The following TAF3 variants were observed in gnomAD, a reference collection of about 807,000 sequenced individuals.
The protein encoded by TAF3 is TATA-box binding protein associated factor 3, also known as transcription initiation factor TFIID subunit 3.
A neutral mutation model predicts 80.6 loss-of-function variants in TAF3; 7 were observed. That is an observed-to-expected ratio of 0.09 (90% CI 0.05 to 0.16). The LOEUF (loss-of-function observed/expected upper bound fraction) is 0.16, where lower values mean the gene tolerates loss of function less well. Among genes scored for constraint, TAF3 ranks in the 10% least tolerant of loss-of-function variants. The pLI, the probability that TAF3 is intolerant of heterozygous loss-of-function variation, is 1.00. For synonymous variants in TAF3, 444 were observed against 446.1 expected (o/e 1.00, Z 0.06); for missense variants, 921 against 1,140.2 (o/e 0.81, Z 2.77).
intron 2 of TAF3, among the ~76,000 whole-genome samples, chr10:7,884,422 T>C (rs1837389775): frequency 9.7e-6 from 1 of 103,424 alleles, no homozygotes; most frequent in South Asian, 3.1e-4. Context: ...GTTTTGCTTT[T>C]GTTGCCCAGG....
At chr10:7,832,803 G>C (rs142013441) in intron 2 of TAF3, among the ~76,000 whole-genome samples, 3 of 152,308 alleles carry the variant, frequency 2.0e-5, no homozygotes, top group African/African-American at 7.2e-5. Context: ...GCCCACCTCA[G>C]CCTCCCAAAG....
intron 2 of TAF3, among the ~76,000 whole-genome samples, chr10:7,861,976 C>A (rs1033179214): frequency 2.0e-5 from 3 of 152,158 alleles, no homozygotes; most frequent in Non-Finnish European, 4.4e-5. Context: ...ATGTTCTGCT[C>A]ATTTTTTTCA....
At chr10:8,007,149 T>G (rs954740897) in intron 4 of TAF3, among the ~76,000 whole-genome samples, 17 of 152,118 alleles carry the variant, frequency 1.1e-4, no homozygotes, top group African/African-American at 4.1e-4. Flanking sequence ...CTACTTTCAG[T>G]AGGATGATGG....
At chr10:7,859,180 G>C (rs958917864) in intron 2 of TAF3, among the ~76,000 whole-genome samples, 1 of 151,962 alleles carries the variant, frequency 6.6e-6, no homozygotes, top group African/African-American at 2.4e-5. Context: ...AGAATGGCGT[G>C]AACCCAGGAG....
chr10:7,822,753 G>T (rs1836702722), intron 1 of TAF3, among the ~76,000 whole-genome samples: 1 of 152,140 alleles, frequency 6.6e-6, no homozygotes, highest in African/African-American at 2.4e-5. Context: ...AAAAAGTCAG[G>T]ATTTCAGTTA....
chr10:7,922,533 T>C (rs1837772989), intron 2 of TAF3, among the ~76,000 whole-genome samples: 1 of 152,104 alleles, frequency 6.6e-6, no homozygotes, highest in Non-Finnish European at 1.5e-5. Context: ...ATTAATAAAG[T>C]AAGTTGTTCT....
At chr10:7,864,994 C>T (rs753934310) in intron 2 of TAF3, among the ~76,000 whole-genome samples, 1 of 152,038 alleles carries the variant, frequency 6.6e-6, no homozygotes, top group African/African-American at 2.4e-5. Flanking sequence ...ATCCCTGCAC[C>T]ATTTGTTGAA....
intron 2 of TAF3, among the ~76,000 whole-genome samples, chr10:7,863,937 T>G (rs1837183198): frequency 6.6e-6 from 1 of 152,038 alleles, no homozygotes; most frequent in Non-Finnish European, 1.5e-5. Flanking sequence ...CTTAATATTT[T>G]TAAGAACAGT....
chr10:7,894,487 G>A (rs1219540147), intron 2 of TAF3, among the ~76,000 whole-genome samples: 1 of 152,186 alleles, frequency 6.6e-6, no homozygotes, highest in Admixed American at 6.5e-5. Flanking sequence ...ATGCGTCAGT[G>A]ACCTGATCGA....
At chr10:7,862,817 T>A (rs1837161295) in intron 2 of TAF3, among the ~76,000 whole-genome samples, 1 of 152,234 alleles carries the variant, frequency 6.6e-6, no homozygotes, top group Non-Finnish European at 1.5e-5. Context: ...TTCACCAATA[T>A]AATTATTTTG....
rs762510424 is a variant in TAF3, at chr10:7,965,054, T to C, written c.1544T>C (p.Leu515Pro). The change falls in exon 3 of 7, where the codon CTG (leucine) becomes CCG (proline). Residue 515 changes from leucine (L) to proline (P), a missense_variant. Leu to Pro is a moderately conservative substitution (Grantham distance 98). Around this residue, in one of 6 missense-constraint regions of TAF3, gnomAD observed 743 missense variants for 821.0 expected, o/e 0.90. Coordinates refer to ENST00000344293, the MANE Select transcript of TAF3 (RefSeq NM_031923.4). Reference protein sequence around the residue: ...LHKVYEEKTKLPSSVEVKKKL... With the variant: ...LHKVYEEKTKPPSSVEVKKKL... The stretch of plus-strand genomic sequence containing the variant: ...AAGGTGTATGAGGAGAAAACCAAGC[T>C]GCCTTCCTCCGTGGAGGTAAAGAAG... 2.5e-6 allele frequency: 4 copies of C among 1,613,864 alleles called. No homozygotes were observed. In the African/African-American group the frequency reaches 5.3e-5, roughly 22 times the overall value.
At chr10:7,823,780 C>G (rs1836713190) in intron 1 of TAF3, among the ~76,000 whole-genome samples, 1 of 151,962 alleles carries the variant, frequency 6.6e-6, no homozygotes, top group Admixed American at 6.6e-5. Context: ...GATTACAGGC[C>G]TGCGCCACCA....
intron 2 of TAF3, among the ~76,000 whole-genome samples, chr10:7,833,070 G>GT (rs1836818145): frequency 6.6e-6 from 1 of 152,172 alleles, no homozygotes; most frequent in African/African-American, 2.4e-5. Flanking sequence ...GTATTCTGTG[G>GT]TGTATATATA....
At chr10:7,969,626 C>A (rs769282803) in intron 3 of TAF3, among the ~76,000 whole-genome samples, 7 of 152,106 alleles carry the variant, frequency 4.6e-5, no homozygotes, top group Admixed American at 6.5e-5. Flanking sequence ...GTTAGTGGAA[C>A]TGGATGGTTA....
intron 1 of TAF3, among the ~76,000 whole-genome samples, 169 bp downstream of exon 1, chr10:7,819,044 A>C (rs949292436): frequency 6.6e-6 from 1 of 151,784 alleles, no homozygotes; most frequent in African/African-American, 2.4e-5. Flanking sequence ...TCCAAACTCT[A>C]GTCATCCTTC....
chr10:7,899,205 G>T (rs1250852949), intron 2 of TAF3, among the ~76,000 whole-genome samples: 1 of 152,136 alleles, frequency 6.6e-6, no homozygotes, highest in Non-Finnish European at 1.5e-5. Flanking sequence ...CCTTGCCTGT[G>T]CGCAGTCTCC....
chr10:7,944,836 G>A (rs1159610577), intron 2 of TAF3, among the ~76,000 whole-genome samples: 1 of 152,162 alleles, frequency 6.6e-6, no homozygotes, highest in Non-Finnish European at 1.5e-5. Flanking sequence ...CATATTTTGG[G>A]ACAATTATTC....
chr10:7,939,621 C>CT (rs1837959060), intron 2 of TAF3, among the ~76,000 whole-genome samples: 1 of 145,778 alleles, frequency 6.9e-6, no homozygotes, highest in Non-Finnish European at 1.5e-5. Context: ...CACACACACA[C>CT]CTCTACCTAC....
intron 4 of TAF3, among the ~76,000 whole-genome samples, chr10:8,008,324 C>G (rs576960512): frequency 6.6e-6 from 1 of 152,146 alleles, no homozygotes; most frequent in East Asian, 1.9e-4. Context: ...GTCTTGAACT[C>G]TCGACCTCAG....
Sources: allele counts gnomAD v4.1 joint callset (sites outside exome capture counted in the v4.1 genomes callset), GRCh38; gene constraint gnomAD v4.1.1; regional missense constraint gnomAD v4.1.1; transcripts MANE v1.5; gene names NCBI Gene and HGNC (gene_info 2026-07-23, HGNC 2026-07-21).